The following RIMS2 variants were observed in gnomAD, a reference collection of about 807,000 sequenced individuals.
RIMS2 encodes the protein regulating synaptic membrane exocytosis 2.
RIMS2 carries 59 observed loss-of-function variants against 174.4 expected under a neutral mutation model. The ratio of observed to expected loss-of-function variants is 0.34; its 90% CI spans 0.27 to 0.42. The LOEUF (loss-of-function observed/expected upper bound fraction) is 0.42. Ranked by LOEUF, RIMS2 falls within the 10% of genes least tolerant of loss-of-function variation. The pLI, the probability that RIMS2 is intolerant of heterozygous loss-of-function variation, is 1.00. For missense variants in RIMS2, 1,620 were observed against 1,666.3 expected, an observed-to-expected ratio of 0.97 and a Z score of 0.48; for synonymous variants, 606 against 572.5, an observed-to-expected ratio of 1.06 and a Z score of -0.84.
At chr8:104,234,645 A>C (rs2099249487) in intron 19 of RIMS2, among the ~76,000 whole-genome samples, 1 of 152,220 alleles carries the variant, frequency 6.6e-6, no homozygotes, top group African/African-American at 2.4e-5. Context: ...AAGAATACCA[A>C]AATGATAAGC....
intron 1 of RIMS2, among the ~76,000 whole-genome samples, chr8:103,573,397 T>A (rs1484066926): frequency 2.0e-5 from 3 of 152,180 alleles, no homozygotes; most frequent in Non-Finnish European, 4.4e-5. Flanking sequence ...AATTTTTGAA[T>A]ATGGTCACAG....
chr8:103,947,041 A>G (rs747341845), intron 14 of RIMS2, among the ~76,000 whole-genome samples: 20 of 152,210 alleles, frequency 1.3e-4, no homozygotes, highest in Non-Finnish European at 2.8e-4. Flanking sequence ...GTAACAATTT[A>G]ATATCCACAT....
At chr8:103,939,185 G>A (rs747034372) in intron 13 of RIMS2, among the ~76,000 whole-genome samples, 14 of 152,218 alleles carry the variant, frequency 9.2e-5, no homozygotes, top group Admixed American at 2.6e-4. Flanking sequence ...CCTAGCAGAG[G>A]TTCTCCATGA....
At chr8:103,633,234 A>G (rs2095988679) in intron 1 of RIMS2, among the ~76,000 whole-genome samples, 1 of 145,134 alleles carries the variant, frequency 6.9e-6, no homozygotes. Flanking sequence ...TTTAGTATAG[A>G]TGGGTTTTCA....
At chr8:104,187,029 C>T (rs1220256657) in intron 19 of RIMS2, among the ~76,000 whole-genome samples, 1 of 151,658 alleles carries the variant, frequency 6.6e-6, no homozygotes, top group Non-Finnish European at 1.5e-5. Context: ...AAAAATAGTA[C>T]TGACAGACTG....
At chr8:104,041,220 A>G (rs2096602927) in intron 19 of RIMS2, 106 bp from the exon 22 acceptor site, 3 of 495,204 alleles carry the variant, frequency 6.1e-6, no homozygotes, top group South Asian at 3.3e-5. Flanking sequence ...TCTTTCTCAA[A>G]ATGATCTGAG....
Position 103,788,286 on chromosome 8 carries a change from C to T in RIMS2, c.698+21749C>T, listed in dbSNP as rs796283076. ...TCTCTCAGCTCGTCAAAGTCATTCT[C>T]CATCCAGCTTTGTTCCGTTGCTGGT... is the stretch of plus-strand genomic sequence containing the variant. On this transcript the variant is annotated intron_variant, in intron 3 of 23. Transcript: ENST00000504942. Among the ~76,000 whole-genome samples the T allele has an allele frequency of 9.2e-3, 1,390 of 150,672 alleles. 17 individuals are homozygous for T. Among genetic ancestry groups the T allele is most frequent in the East Asian group, 0.045 (229 of 5,140 alleles).
At chr8:104,075,662 T>A (rs1036751740) in intron 19 of RIMS2, among the ~76,000 whole-genome samples, 5 of 152,160 alleles carry the variant, frequency 3.3e-5, no homozygotes, top group African/African-American at 1.2e-4. Flanking sequence ...TCTTCATGCC[T>A]CAGCAAGCAG....
chr8:103,559,975 G>C (rs1309405842), intron 1 of RIMS2, among the ~76,000 whole-genome samples: 1 of 152,188 alleles, frequency 6.6e-6, no homozygotes, highest in East Asian at 1.9e-4. Flanking sequence ...TCTGAGGCTA[G>C]GGCGTCAAAT....
At chr8:103,795,237 TG>T (rs2098540134) in intron 3 of RIMS2, among the ~76,000 whole-genome samples, 4 of 152,176 alleles carry the variant, frequency 2.6e-5, no homozygotes, top group Admixed American at 2.6e-4. Flanking sequence ...ATATACACCT[TG>T]TAATACTATG....
chr8:103,572,852 G>A (rs1037550560), intron 1 of RIMS2, among the ~76,000 whole-genome samples: 6 of 152,058 alleles, frequency 3.9e-5, no homozygotes, highest in Non-Finnish European at 7.4e-5. Context: ...ACTGTAGTTT[G>A]TCTGTTTACT....
chr8:103,826,659 T>A (rs911665856), intron 3 of RIMS2, among the ~76,000 whole-genome samples: 4 of 150,226 alleles, frequency 2.7e-5, no homozygotes, highest in African/African-American at 9.7e-5. Context: ...GGTTATATAG[T>A]CCAGGTCTTC....
At chr8:104,010,729 G>A (rs1297075926) in intron 17 of RIMS2, among the ~76,000 whole-genome samples, 1 of 152,062 alleles carries the variant, frequency 6.6e-6, no homozygotes, top group East Asian at 1.9e-4. Context: ...AAAAGACAAT[G>A]GAATTATTTA....
intron 1 of RIMS2, among the ~76,000 whole-genome samples, chr8:103,507,574 GTCCTTATTTTTGAAATCAAATGTAATTTT>G (rs1401915880): frequency 6.6e-6 from 1 of 152,030 alleles, no homozygotes; most frequent in Non-Finnish European, 1.5e-5. Context: ...ATGTAGTAGT[GTCCTTATTTTTGAAATCAAATGTAATTTT>G]TAAACATGCC....
At chr8:103,768,619 G>A (rs763151650) in intron 3 of RIMS2, 8 of 1,037,432 alleles carry the variant, frequency 7.7e-6, no homozygotes, top group Non-Finnish European at 1.2e-5. Flanking sequence ...CTTGGTTATT[G>A]TAAAAAAAGG....
chr8:103,516,668 C>T (rs996880022), intron 1 of RIMS2, among the ~76,000 whole-genome samples: 2 of 152,038 alleles, frequency 1.3e-5, no homozygotes, highest in African/African-American at 2.4e-5. Flanking sequence ...AGTATTCCTA[C>T]ATACTTTATG....
chr8:103,966,506 C>G (rs2091868645), intron 15 of RIMS2, among the ~76,000 whole-genome samples: 1 of 151,524 alleles, frequency 6.6e-6, no homozygotes, highest in Non-Finnish European at 1.5e-5. Context: ...ATTTTTATAC[C>G]CTGTTTCTCT....
chr8:103,645,475 G>T (rs796691939), intron 1 of RIMS2, among the ~76,000 whole-genome samples: 1 of 152,080 alleles, frequency 6.6e-6, no homozygotes, highest in African/African-American at 2.4e-5. Flanking sequence ...GATCTAAAGA[G>T]AATTTAATTT....
rs142452347 is a variant in RIMS2 at position 103,584,732 on chromosome 8, C to G, written c.176+83670C>G. 6.1e-3 allele frequency among the ~76,000 whole-genome samples: 935 copies of G among 152,052 alleles called. 11 individuals are homozygous for G. The highest frequency in any genetic ancestry group is 0.021 in the African/African-American group (885 of 41,474). ...ACTTCAATTCAAAACACATACAATG[C>G]ATACACAAAAAATAAAAAGCAAGAA... On this transcript the variant is annotated intron_variant, in intron 1 of 23. Coordinates refer to ENST00000504942, the Ensembl canonical transcript of RIMS2.
Sources: gnomAD v4.1 joint callset for allele counts (sites outside exome capture counted in the v4.1 genomes callset) on GRCh38, gnomAD v4.1.1 for gene constraint, MANE v1.5 for transcripts, NCBI Gene and HGNC (gene_info 2026-07-23, HGNC 2026-07-21) for gene names.